MED12L: variants seen among roughly 807,000 people sequenced by gnomAD.
The protein encoded by MED12L is mediator complex subunit 12L.
In MED12L, 60 loss-of-function variants were observed where a neutral mutation model predicts 281.3. The ratio of observed to expected loss-of-function variants is 0.21; its 90% CI spans 0.17 to 0.26. The LOEUF (loss-of-function observed/expected upper bound fraction) is 0.26, where lower values mean the gene tolerates loss of function less well. Among genes scored for constraint, MED12L ranks in the 10% least tolerant of loss-of-function variants. The pLI is 1.00. For synonymous variants in MED12L, 974 were observed against 987.2 expected (o/e 0.99, Z 0.25); for missense variants, 2,146 against 2,680.9 (o/e 0.80, Z 4.41).
At chr3:151,126,686 T>C (rs1218124565) in intron 4 of MED12L, among the ~76,000 whole-genome samples, 1 of 152,188 alleles carries the variant, frequency 6.6e-6, no homozygotes, top group African/African-American at 2.4e-5. Context: ...TTGGTATTTA[T>C]AGTAGTGATG....
At chr3:151,242,149 A>G (rs1485558598) in intron 16 of MED12L, among the ~76,000 whole-genome samples, 1 of 152,198 alleles carries the variant, frequency 6.6e-6, no homozygotes, top group African/African-American at 2.4e-5. Flanking sequence ...GCTGATTGCT[A>G]GCACAGCAGT....
rs559778538 is a variant in MED12L, at chr3:151,166,749, C to G, written c.1494+767C>G. On this transcript the variant is annotated intron_variant, in intron 11 of 44. Coordinates refer to ENST00000687756, the MANE Select transcript of MED12L (RefSeq NM_001393769.1). ...GGAGTGCAGTGGTGCAATCTCGGCT[C>G]ACTGCAACCTCTGCCTCCTGGGTTC... Among the ~76,000 whole-genome samples the G allele has an allele frequency of 9.9e-5, 15 of 151,996 alleles. No homozygotes were observed. In the South Asian group the frequency reaches 1.5e-3, roughly 15 times the overall value.
At position 151,273,645 on chromosome 3, in the gene MED12L, C is replaced by T. The variant is rs777808281; in HGVS notation, c.2251-76414C>T. Among the ~76,000 whole-genome samples, 81 of 152,118 alleles carry T rather than the reference C, an allele frequency of 5.3e-4. 1 individual carries two copies. Among genetic ancestry groups the T allele is most frequent in the Middle Eastern group, 3.4e-3 (1 of 294 alleles). On this transcript the variant is annotated intron_variant, in intron 16 of 44. Transcript: ENST00000687756. ...AATGAGGCATAGAGTTGTTAAGTGA[C>T]TTTATTAAGGTTGTATTAGAATAAG...
At chr3:151,310,936 A>T (rs541052362) in intron 16 of MED12L, among the ~76,000 whole-genome samples, 8 of 152,208 alleles carry the variant, frequency 5.3e-5, no homozygotes, top group African/African-American at 1.4e-4. Context: ...GGTGGGGAAA[A>T]ACTTTAAGGG....
Position 151,141,178 on chromosome 3 carries a change from G to GT in MED12L, c.556+13202dup, listed in dbSNP as rs370095367. Among the ~76,000 whole-genome samples the GT allele has an allele frequency of 1.1e-3, 109 of 102,216 alleles. 4 individuals are homozygous for GT. Among genetic ancestry groups the GT allele is most frequent in the African/African-American group, 2.3e-3 (53 of 23,400 alleles). The allele number at this position is 102,216 out of a possible 152,430, so 67.1% of individuals were successfully genotyped here. ...CACCGTGCCTGGCGTTTTTTTTTTTGTTTTTTTTGTTTTTTTTTTTTTGTT... is the reference window on the plus strand; with the variant it reads ...CACCGTGCCTGGCGTTTTTTTTTTTGTTTTTTTTTGTTTTTTTTTTTTTGTT... On this transcript the variant is annotated intron_variant, in intron 5 of 44. Transcript: ENST00000687756.
intron 16 of MED12L, among the ~76,000 whole-genome samples, chr3:151,253,818 T>G (rs1293663354): frequency 6.6e-6 from 1 of 152,062 alleles, no homozygotes; most frequent in East Asian, 1.9e-4. Context: ...ACATTGTCCT[T>G]TTGCTGAGAG....
At chr3:151,342,781 C>T (rs1752035783) in intron 16 of MED12L, among the ~76,000 whole-genome samples, 1 of 152,156 alleles carries the variant, frequency 6.6e-6, no homozygotes, top group Non-Finnish European at 1.5e-5. Flanking sequence ...CTTAGCCTTC[C>T]TTATTTGTTG....
intron 44 of MED12L, 130 bp downstream of exon 44, chr3:151,430,510 A>G (rs1560156659): frequency 9.5e-6 from 13 of 1,362,438 alleles, no homozygotes; most frequent in Non-Finnish European, 1.2e-5. Context: ...TATTTGGTTT[A>G]GCCCAAGGTA....
rs1438017949 is a variant in MED12L, at chr3:151,435,078, T to C, written c.*2274T>C. 21 of 150,936 alleles carry C rather than the reference T, an allele frequency of 1.4e-4. No individual in the cohort carries two copies. Among genetic ancestry groups the C allele is most frequent in the African/African-American group, 3.4e-4 (14 of 41,218 alleles). The allele number at this position is 150,936 out of a possible 1,614,324, so 9.3% of individuals were successfully genotyped here. On this transcript the variant is annotated 3_prime_UTR_variant, in exon 45 of 45. Coordinates refer to ENST00000687756, the MANE Select transcript of MED12L (RefSeq NM_001393769.1). The stretch of plus-strand genomic sequence containing the variant: ...GAGAGGTTTCTTTTTTTTTTTTTTT[T>C]TTTTCTTTTCTTGCAAATGCATTCT...
chr3:151,360,298 T>A (rs1289510598), intron 20 of MED12L, among the ~76,000 whole-genome samples, 176 bp from the exon 21 acceptor site: 2 of 152,170 alleles, frequency 1.3e-5, no homozygotes, highest in Non-Finnish European at 2.9e-5. Context: ...TCTATTTCAG[T>A]GTCATAATAG....
intron 43 of MED12L, chr3:151,425,744 G>C (rs1280485157): frequency 2.2e-6 from 1 of 456,568 alleles, no homozygotes; most frequent in Non-Finnish European, 4.4e-6. Context: ...CAGAATCCTA[G>C]AGAGAGAAGC....
intron 16 of MED12L, among the ~76,000 whole-genome samples, chr3:151,201,243 TC>T (rs1725539316): frequency 1.3e-5 from 2 of 152,024 alleles, no homozygotes; most frequent in Non-Finnish European, 2.9e-5. Context: ...TCTCTCTCTC[TC>T]TCACACGCAC....
chr3:151,156,530 C>T (rs1719310643), intron 6 of MED12L, among the ~76,000 whole-genome samples, 200 bp downstream of exon 6: 1 of 152,204 alleles, frequency 6.6e-6, no homozygotes, highest in African/African-American at 2.4e-5. Flanking sequence ...ACATATTGAT[C>T]TCCAGCTTTC....
intron 21 of MED12L, 114 bp from the exon 22 acceptor site, chr3:151,364,865 T>C: frequency 1.4e-6 from 1 of 726,576 alleles, no homozygotes; most frequent in Non-Finnish European, 2.4e-6. Flanking sequence ...ATAATGTGAA[T>C]CTTCTCTAGG....
At chr3:151,250,307 A>T (rs1348050459) in intron 16 of MED12L, among the ~76,000 whole-genome samples, 1 of 152,186 alleles carries the variant, frequency 6.6e-6, no homozygotes, top group Non-Finnish European at 1.5e-5. Flanking sequence ...TTGCCACCTT[A>T]ACTATTTTTA....
At chr3:151,363,443 G>T (rs1218167321) in intron 21 of MED12L, among the ~76,000 whole-genome samples, 2 of 152,098 alleles carry the variant, frequency 1.3e-5, no homozygotes, top group African/African-American at 4.8e-5. Flanking sequence ...AGGAGTATTT[G>T]GGGGAGATAC....
intron 2 of MED12L, among the ~76,000 whole-genome samples, chr3:151,114,327 A>G (rs939418749): frequency 1.1e-4 from 16 of 152,258 alleles, no homozygotes; most frequent in African/African-American, 3.1e-4. Flanking sequence ...GGGTCTTTTG[A>G]AAACCCGCCA....
intron 16 of MED12L, chr3:151,248,860 C>T (rs1258460807): frequency 6.6e-6 from 1 of 152,096 alleles, no homozygotes; most frequent in African/African-American, 2.4e-5. Flanking sequence ...AATTTTCTTA[C>T]TTACCAATTT....
chr3:151,375,885 A>G (rs969260359), intron 27 of MED12L, 141 bp from the exon 28 acceptor site: 1 of 479,140 alleles, frequency 2.1e-6, no homozygotes, highest in Non-Finnish European at 3.3e-6. Flanking sequence ...AAATTTTTCT[A>G]CCTACTTTTT....
Sources: gnomAD v4.1 joint callset for allele counts (sites outside exome capture counted in the v4.1 genomes callset) on GRCh38, gnomAD v4.1.1 for gene constraint, MANE v1.5 for transcripts, NCBI Gene and HGNC (gene_info 2026-07-23, HGNC 2026-07-21) for gene names.